SHROOM3: variants seen among roughly 807,000 people sequenced by gnomAD.
SHROOM3 encodes shroom family member 3.
A neutral mutation model predicts 138.6 loss-of-function variants in SHROOM3; 47 were observed. The observed-to-expected ratio is 0.34, with a 90% CI of 0.27 to 0.43. The LOEUF (loss-of-function observed/expected upper bound fraction) is 0.43. Among genes scored for constraint, SHROOM3 ranks in the 20% least tolerant of loss-of-function variants. SHROOM3 has a pLI of 1.00. For missense variants in SHROOM3, 2,491 were observed against 2,596.5 expected, an observed-to-expected ratio of 0.96 and a Z score of 0.88; for synonymous variants, 1,062 against 1,063.3, an observed-to-expected ratio of 1.00 and a Z score of 0.02.
chr4:76,741,967 C>G lies in SHROOM3; in HGVS notation c.3753+41C>G. 1.2e-6 allele frequency: 2 copies of G among 1,601,838 alleles called. No homozygotes were observed. The highest frequency in any genetic ancestry group is 1.7e-6 in the Non-Finnish European group (2 of 1,175,028). On this transcript the variant is annotated intron_variant, in intron 5 of 10. Coordinates refer to ENST00000296043, the MANE Select transcript of SHROOM3 (RefSeq NM_020859.4). This position sits in a 1 kb window ranked among gnomAD's most constrained non-coding sequence, Gnocchi z 6.2. Reference sequence around the variant, plus strand: ...AAGTCCTGGCCTCGAACTGTCCCTTCCTCCCTAGAAGCTTTAGTGGGGCTC... The same window carrying G: ...AAGTCCTGGCCTCGAACTGTCCCTTGCTCCCTAGAAGCTTTAGTGGGGCTC...
chr4:76,531,038 G>A (rs1401460096), intron 1 of SHROOM3, among the ~76,000 whole-genome samples: 1 of 152,166 alleles, frequency 6.6e-6, no homozygotes, highest in Non-Finnish European at 1.5e-5. Context: ...AGTGCTGTTT[G>A]CTTGGCTCTG....
chr4:76,719,910 G>A (rs929692635), intron 3 of SHROOM3, among the ~76,000 whole-genome samples: 3 of 152,246 alleles, frequency 2.0e-5, no homozygotes, highest in Non-Finnish European at 1.5e-5. Flanking sequence ...TGGTGTTACA[G>A]CGTTATGACT....
intron 1 of SHROOM3, among the ~76,000 whole-genome samples, chr4:76,457,961 A>AT (rs1286303795): frequency 6.6e-6 from 1 of 151,360 alleles, no homozygotes; most frequent in Non-Finnish European, 1.5e-5. Flanking sequence ...GTGTCTGGCC[A>AT]TTTTTTGAAT....
chr4:76,649,130 G>C (rs1456452021), intron 2 of SHROOM3, among the ~76,000 whole-genome samples: 1 of 152,000 alleles, frequency 6.6e-6, no homozygotes, highest in African/African-American at 2.4e-5. Flanking sequence ...CATTTTGCTG[G>C]GGGATGAATC....
In SHROOM3 at chr4:76,740,030, T is replaced by A. The variant is rs1721193178; in HGVS notation, c.1857T>A (p.Ser619=). 1 of 1,613,768 alleles carries A rather than the reference T, an allele frequency of 6.2e-7. No individual in the cohort carries two copies. The highest frequency in any genetic ancestry group is 1.1e-5 in the South Asian group (1 of 91,092). The change falls in exon 5 of 11, where the codon TCT becomes TCA. Residue 619 remains serine, a synonymous_variant. Coordinates refer to ENST00000296043, the MANE Select transcript of SHROOM3 (RefSeq NM_020859.4). This position sits in a 1 kb window ranked among gnomAD's most constrained non-coding sequence, Gnocchi z 4.0. ...QAWQAGEDKR[S]SRLSEPWEGD... Reference sequence around the variant, plus strand: ...GGCAAGCGGGTGAAGACAAGAGATCTTCCAGGCTCTCAGAGCCCTGGGAGG... The same window carrying A: ...GGCAAGCGGGTGAAGACAAGAGATCATCCAGGCTCTCAGAGCCCTGGGAGG...
chr4:76,617,204 T>G (rs1260739123), intron 2 of SHROOM3, among the ~76,000 whole-genome samples: 1 of 152,224 alleles, frequency 6.6e-6, no homozygotes, highest in African/African-American at 2.4e-5. Context: ...TGCCTCAGTT[T>G]CATTATCTGC....
chr4:76,669,715 G>A (rs1055685332), intron 2 of SHROOM3, among the ~76,000 whole-genome samples: 3 of 152,166 alleles, frequency 2.0e-5, no homozygotes, highest in African/African-American at 4.8e-5. Flanking sequence ...ACCAAAACGA[G>A]TATGTGGGAT....
chr4:76,510,818 T>G (rs995804454), intron 1 of SHROOM3, among the ~76,000 whole-genome samples: 2 of 152,162 alleles, frequency 1.3e-5, no homozygotes, highest in African/African-American at 4.8e-5. Context: ...AATCTAGGTC[T>G]TGGTTCCCTC....
At chr4:76,438,269 T>C (rs1730600465) in intron 1 of SHROOM3, among the ~76,000 whole-genome samples, 1 of 152,144 alleles carries the variant, frequency 6.6e-6, no homozygotes, top group Non-Finnish European at 1.5e-5. Flanking sequence ...TGGAGTGATA[T>C]CTCATCTTCA....
chr4:76,605,956 T>TATATACATATATATACACATATAC (rs1397073161), intron 2 of SHROOM3, among the ~76,000 whole-genome samples: 17 of 143,100 alleles, frequency 1.2e-4, no homozygotes, highest in African/African-American at 4.4e-4. Context: ...TACACATATA[T>TATATACATATATATACACATATAC]ATATACATAT....
intron 2 of SHROOM3, among the ~76,000 whole-genome samples, chr4:76,635,813 C>T (rs1180472938): frequency 6.6e-6 from 1 of 152,134 alleles, no homozygotes; most frequent in Non-Finnish European, 1.5e-5. Context: ...TCTGGATCAT[C>T]AGGGTTGGCA....
intron 9 of SHROOM3, among the ~76,000 whole-genome samples, chr4:76,764,068 G>A (rs1722070782): frequency 6.6e-6 from 1 of 152,106 alleles, no homozygotes. Flanking sequence ...TCTAGGCTAG[G>A]AACTAGAGTC....
chr4:76,560,790 T>A (rs1733581729), intron 2 of SHROOM3, among the ~76,000 whole-genome samples: 1 of 152,202 alleles, frequency 6.6e-6, no homozygotes, highest in African/African-American at 2.4e-5. Flanking sequence ...GATAGCGGTG[T>A]CCAGCACTAC....
intron 2 of SHROOM3, among the ~76,000 whole-genome samples, chr4:76,703,620 C>G (rs1156446289): frequency 6.6e-6 from 1 of 152,170 alleles, no homozygotes; most frequent in Non-Finnish European, 1.5e-5. Context: ...GCTGAGAAAC[C>G]TACAACTATG....
At chr4:76,748,953 C>A (rs1234600794) in intron 5 of SHROOM3, 64 bp from the exon 6 acceptor site, 1 of 1,516,842 alleles carries the variant, frequency 6.6e-7, no homozygotes, top group Middle Eastern at 1.7e-4. Context: ...TTTACCTCCA[C>A]CCTCTTGGTA....
chr4:76,715,647 A>G (rs956724042), intron 3 of SHROOM3, among the ~76,000 whole-genome samples: 3 of 152,214 alleles, frequency 2.0e-5, no homozygotes, highest in Non-Finnish European at 4.4e-5. Context: ...TTACCCTTAT[A>G]TGGGGATCTC....
chr4:76,566,568 C>T (rs1419758132), intron 2 of SHROOM3, among the ~76,000 whole-genome samples: 1 of 152,130 alleles, frequency 6.6e-6, no homozygotes, highest in African/African-American at 2.4e-5. Flanking sequence ...ATCAGATCTT[C>T]GAAGGTCCTG....
chr4:76,668,052 C>CGA (rs1295432720), intron 2 of SHROOM3, among the ~76,000 whole-genome samples: 1 of 151,550 alleles, frequency 6.6e-6, no homozygotes, highest in Non-Finnish European at 1.5e-5. Flanking sequence ...CGCCCCCTCT[C>CGA]CCTTGTCCAC....
chr4:76,500,802 C>T (rs1166490873), intron 1 of SHROOM3, among the ~76,000 whole-genome samples: 1 of 151,780 alleles, frequency 6.6e-6, no homozygotes. Context: ...TCTTTCTTCT[C>T]CCTCTCTCTC....
Sources: allele counts gnomAD v4.1 joint callset (sites outside exome capture counted in the v4.1 genomes callset), GRCh38; gene constraint gnomAD v4.1.1; non-coding constraint Gnocchi (gnomAD v3.1); transcripts MANE v1.5; gene names NCBI Gene and HGNC (gene_info 2026-07-23, HGNC 2026-07-21).